Variants in DOCK2 observed in about 807,000 individuals in gnomAD.
DOCK2 encodes the protein dedicator of cytokinesis 2.
DOCK2 carries 87 observed loss-of-function variants against 248.9 expected under a neutral mutation model. That is an observed-to-expected ratio of 0.35 (90% confidence interval 0.29 to 0.42). The LOEUF is 0.42. DOCK2 is among the 10% of genes least tolerant of loss of function. The pLI is 1.00. For synonymous variants in DOCK2, 805 were observed against 821.6 expected (o/e 0.98, Z 0.35); for missense variants, 1,747 against 2,300.2 (o/e 0.76, Z 4.92).
At chr5:169,986,446 A>ATAATACCC (rs1778071924) in intron 29 of DOCK2, among the ~76,000 whole-genome samples, 1 of 152,172 alleles carries the variant, frequency 6.6e-6, no homozygotes, top group African/African-American at 2.4e-5. Context: ...GTGTGTATCT[A>ATAATACCC]TAATACCCGT....
chr5:170,015,698 C>T lies in DOCK2; in HGVS notation c.3233-3262C>T, dbSNP rs147626986. On this transcript the variant is annotated intron_variant, in intron 32 of 51. Transcript: ENST00000520908. ...TTGTTCATTGCAGCGTCTGTGCCAG[C>T]CTTTGGAGAGACCTTTCTGTTACAT... is the stretch of plus-strand genomic sequence containing the variant. 1.1e-3 allele frequency among the ~76,000 whole-genome samples: 166 copies of T among 152,220 alleles called. 1 individual carries two copies. Among genetic ancestry groups the T allele is most frequent in the Middle Eastern group, 6.8e-3 (2 of 294 alleles).
intron 27 of DOCK2, among the ~76,000 whole-genome samples, chr5:169,979,203 G>T (rs1480605035): frequency 6.6e-6 from 1 of 152,164 alleles, no homozygotes; most frequent in Non-Finnish European, 1.5e-5. Context: ...TTCTGACAGG[G>T]CTGGGAGTTC....
chr5:170,048,304 T>G (rs1280463564), intron 40 of DOCK2, among the ~76,000 whole-genome samples: 1 of 151,928 alleles, frequency 6.6e-6, no homozygotes, highest in African/African-American at 2.4e-5. Context: ...GACAGGAGGA[T>G]TACCTGAACC....
intron 27 of DOCK2, among the ~76,000 whole-genome samples, chr5:169,977,550 CA>C (rs1777758763): frequency 6.6e-6 from 1 of 152,176 alleles, no homozygotes; most frequent in African/African-American, 2.4e-5. Context: ...GCAGCTGAGG[CA>C]CAAGACCCTG....
Position 170,025,548 on chromosome 5 carries a change from G to A in DOCK2, c.3382-2315G>A, listed in dbSNP as rs142446686. ...GGATTTAAAGCCAGACAGCCGCACAGCAGACTCATTGTATAGCCCCTTAGC... is the reference window on the plus strand; with the variant it reads ...GGATTTAAAGCCAGACAGCCGCACAACAGACTCATTGTATAGCCCCTTAGC... On this transcript the variant is annotated intron_variant, in intron 33 of 51. Coordinates refer to ENST00000520908, the MANE Select transcript of DOCK2 (RefSeq NM_004946.3). Among the ~76,000 whole-genome samples the A allele has an allele frequency of 1.6e-3, 237 of 152,318 alleles. 1 individual carries two copies. The highest frequency in any genetic ancestry group is 6.8e-3 in the Middle Eastern group (2 of 294).
chr5:170,041,947 C>G, intron 37 of DOCK2, 66 bp from the exon 38 acceptor site: 1 of 1,575,252 alleles, frequency 6.3e-7, no homozygotes, highest in Non-Finnish European at 8.6e-7. Context: ...GCCTTTAATC[C>G]TAGGAAGACA....
chr5:169,867,222 G>A (rs569097103), intron 27 of DOCK2, among the ~76,000 whole-genome samples: 46 of 152,352 alleles, frequency 3.0e-4, no homozygotes, highest in Middle Eastern at 3.4e-3. Flanking sequence ...TCTGGAATCA[G>A]TCTCTTGACC....
chr5:169,759,871 A>G, intron 24 of DOCK2, 96 bp downstream of exon 24: 1 of 1,355,434 alleles, frequency 7.4e-7, no homozygotes, highest in Non-Finnish European at 1.1e-6. Flanking sequence ...ATGGGCACTC[A>G]GCTTGGGGAT....
intron 24 of DOCK2, 34 bp from the exon 25 acceptor site, chr5:169,761,485 T>C: frequency 6.4e-7 from 1 of 1,568,448 alleles, no homozygotes; most frequent in East Asian, 2.2e-5. Context: ...TGGGTCTGCC[T>C]TGCTCTACCA....
At chr5:169,931,479 A>G (rs1005841040) in intron 27 of DOCK2, among the ~76,000 whole-genome samples, 1 of 152,254 alleles carries the variant, frequency 6.6e-6, no homozygotes, top group African/African-American at 2.4e-5. Context: ...AGTTCCTGGC[A>G]TATAAAATTA....
rs146892471 is a variant in DOCK2 at position 169,745,019 on chromosome 5, C to G, written c.2268-2377C>G. 9.2e-5 allele frequency among the ~76,000 whole-genome samples: 14 copies of G among 152,314 alleles called. No homozygotes were observed. In the East Asian group the frequency reaches 2.7e-3, roughly 29 times the overall value. On this transcript the variant is annotated intron_variant, in intron 22 of 51. Transcript: ENST00000520908. The stretch of plus-strand genomic sequence containing the variant: ...AGACACAGTGGGCAGGTTCAATACT[C>G]TAGACCAGTAGCAGCCATGGTGATG...
At chr5:169,791,329 C>A (rs531280848) in intron 25 of DOCK2, among the ~76,000 whole-genome samples, 7 of 152,078 alleles carry the variant, frequency 4.6e-5, no homozygotes, top group Non-Finnish European at 1.0e-4. Flanking sequence ...GAAGCCCAAC[C>A]GACTATAGTT....
intron 27 of DOCK2, among the ~76,000 whole-genome samples, chr5:169,935,507 G>A (rs1365941382): frequency 2.0e-5 from 3 of 152,146 alleles, no homozygotes; most frequent in Non-Finnish European, 4.4e-5. Flanking sequence ...TGCCACCTCT[G>A]GACAGCAGCC....
chr5:170,044,828 C>G (rs576318265), intron 38 of DOCK2, among the ~76,000 whole-genome samples: 9 of 152,280 alleles, frequency 5.9e-5, no homozygotes, highest in African/African-American at 2.2e-4. Context: ...CCTCCTACCT[C>G]CCCCAGCTTC....
At chr5:169,723,936 A>T (rs764967407) in intron 22 of DOCK2, among the ~76,000 whole-genome samples, 1 of 152,160 alleles carries the variant, frequency 6.6e-6, no homozygotes, top group Non-Finnish European at 1.5e-5. Context: ...TGTAGTAAGC[A>T]CTCATTAAGT....
chr5:169,904,730 T>C (rs1774173868), intron 27 of DOCK2, among the ~76,000 whole-genome samples: 1 of 152,218 alleles, frequency 6.6e-6, no homozygotes, highest in African/African-American at 2.4e-5. Flanking sequence ...TCAGCGAGCA[T>C]TAACTGTATT....
chr5:170,028,006 G>T (rs1755981915), intron 34 of DOCK2, 58 bp downstream of exon 34: 1 of 1,503,216 alleles, frequency 6.7e-7, no homozygotes, highest in African/African-American at 1.4e-5. Context: ...AGGCGGGAGG[G>T]CTCAGAACTC....
intron 33 of DOCK2, among the ~76,000 whole-genome samples, chr5:170,021,995 T>C (rs1264355944): frequency 1.3e-5 from 2 of 152,180 alleles, no homozygotes; most frequent in Admixed American, 6.5e-5. Flanking sequence ...GAAGACCACA[T>C]TGTTCCCTCT....
At chr5:169,898,204 C>A (rs1773718119) in intron 27 of DOCK2, among the ~76,000 whole-genome samples, 1 of 152,132 alleles carries the variant, frequency 6.6e-6, no homozygotes, top group Non-Finnish European at 1.5e-5. Context: ...GTCCCTGGGG[C>A]TCCCACAGCT....
Sources: allele counts gnomAD v4.1 joint callset (sites outside exome capture counted in the v4.1 genomes callset), GRCh38; gene constraint gnomAD v4.1.1; transcripts MANE v1.5; gene names NCBI Gene and HGNC (gene_info 2026-07-23, HGNC 2026-07-21).